The following CC2D1A variants were observed in gnomAD, a reference collection of about 807,000 sequenced individuals.
CC2D1A encodes coiled-coil and C2 domain-containing protein 1A.
CC2D1A carries 68 observed loss-of-function variants against 123.8 expected under a neutral mutation model. The ratio of observed to expected loss-of-function variants is 0.55; its 90% CI spans 0.45 to 0.67. The LOEUF is 0.67. Among genes scored for constraint, CC2D1A ranks in the 30% least tolerant of loss-of-function variants. The pLI is 0.00. For synonymous variants in CC2D1A, 477 were observed against 528.0 expected (o/e 0.90, Z 1.32); for missense variants, 1,185 against 1,290.3 (o/e 0.92, Z 1.25).
intron 4 of CC2D1A, 51 bp downstream of exon 4, chr19:13,912,644 CG>C: frequency 1.3e-6 from 2 of 1,589,056 alleles, no homozygotes. Context: ...ACGGACAGCC[CG>C]GGGTTCAAGA....
chr19:13,907,531 G>A (rs1455867985), intron 1 of CC2D1A, among the ~76,000 whole-genome samples: 1 of 151,982 alleles, frequency 6.6e-6, no homozygotes, highest in East Asian at 1.9e-4. Flanking sequence ...AAATTAGCTG[G>A]GCATGGTGGC....
At position 13,919,002 on chromosome 19, in the gene CC2D1A, G is replaced by T; in HGVS notation, c.1109G>T (p.Gly370Val). 1 of 1,608,820 alleles carries T rather than the reference G, an allele frequency of 6.2e-7. No individual in the cohort carries two copies. Among genetic ancestry groups the T allele is most frequent in the African/African-American group, 1.3e-5 (1 of 74,944 alleles). The change falls in exon 10 of 29, where the codon GGG becomes GTG. Residue 370 changes from glycine (G) to valine (V), a missense_variant. Gly to Val is a moderately radical substitution (Grantham distance 109). Transcript: ENST00000318003. ...QVAAAQAKSK[G>V]DQRKARMHER... ...GCCGCAGCCCAGGCCAAGAGCAAGG[G>T]GGACCAGCGGAAAGCTCGAATGCAC...
At chr19:13,926,030 A>G (rs866592615) in intron 17 of CC2D1A, among the ~76,000 whole-genome samples, 1,841 of 87,416 alleles carry the variant, frequency 0.021, 64 homozygotes, top group African/African-American at 0.09. Flanking sequence ...ATATATGTGT[A>G]TATATATATA....
chr19:13,927,242 T>C lies in CC2D1A; in HGVS notation c.2293T>C (p.Cys765Arg). 6.2e-7 allele frequency: 1 copy of C among 1,614,094 alleles called. No homozygotes were observed. The highest frequency in any genetic ancestry group is 8.5e-7 in the Non-Finnish European group (1 of 1,179,998). ...QLKLDALEIA[C>R]EVREILEVLD... ...GAAGCTGGATGCACTGGAGATAGCA[T>C]GTGAGGTCCGGGAGATCCTTGAGGT... Residue 765 changes from cysteine to arginine, a missense_variant, in exon 22 of 29, where the codon TGT (cysteine) becomes CGT (arginine). Cys to Arg is a radical substitution (Grantham distance 180, BLOSUM62 -3). Transcript: ENST00000318003.
chr19:13,918,649 C>G (rs1022114244), intron 8 of CC2D1A, 73 bp downstream of exon 8: 1 of 1,582,452 alleles, frequency 6.3e-7, no homozygotes, highest in Non-Finnish European at 8.6e-7. Context: ...TGCTGCCACC[C>G]CTGTTGGTCA....
rs369137026 is a variant in CC2D1A, at chr19:13,920,643, G to A, written c.1443G>A (p.Ala481=). Reference sequence around the variant, plus strand: ...CGGGATCAGCCCCAACAGCCAAAGCGCCCCCCAAAGCCACATCCACCAGAG... The same window carrying A: ...CGGGATCAGCCCCAACAGCCAAAGCACCCCCCAAAGCCACATCCACCAGAG... The part of the protein sequence containing the change: ...PQSGSAPTAK[A]PPKATSTRAQ... The change falls in exon 13 of 29, where the codon GCG becomes GCA. Residue 481 remains alanine (A), a synonymous_variant. Transcript: ENST00000318003. 2.3e-5 allele frequency: 37 copies of A among 1,608,690 alleles called. 1 individual carries two copies. Among genetic ancestry groups the A allele is most frequent in the Middle Eastern group, 1.6e-4 (1 of 6,072 alleles).
Position 13,929,415 on chromosome 19 carries a change from GT to G in CC2D1A, c.2559del (p.Phe853LeufsTer90). 6.2e-7 allele frequency: 1 copy of G among 1,613,530 alleles called. No homozygotes were observed. Among genetic ancestry groups the G allele is most frequent in the South Asian group, 1.1e-5 (1 of 91,068 alleles). On this transcript the variant is annotated frameshift_variant, in exon 25 of 29. Transcript: ENST00000318003. LOFTEE classifies it high-confidence loss of function. Reference protein sequence around the residue: ...RPLHSLSVLAFDQERLERKIL... With the variant: ...RPLHSLSVLAXDQERLERKIL... ...CCCTGCATAGCCTCAGTGTGCTGGCGTTTGACCAAGAGCGTCTGGAGCGGAA... is the reference window on the plus strand; with the variant it reads ...CCCTGCATAGCCTCAGTGTGCTGGCGTTGACCAAGAGCGTCTGGAGCGGAA...
chr19:13,930,545 C>G lies in CC2D1A; in HGVS notation c.*150C>G, dbSNP rs1385713044. 1 of 860,814 alleles carries G rather than the reference C, an allele frequency of 1.2e-6. No individual in the cohort carries two copies. The highest frequency in any genetic ancestry group is 1.7e-5 in the African/African-American group (1 of 58,522). 53.3% of individuals were successfully genotyped at this position (860,814 alleles called of 1,614,324 possible). ...ATCCGGGCCCCCAGCCCCGCCAGAG[C>G]CTCCGTGGCTGCGGGTGTTGGGAAC... On this transcript the variant is annotated 3_prime_UTR_variant, in exon 29 of 29. Transcript: ENST00000318003. This position sits in a 1 kb window ranked among gnomAD's most constrained non-coding sequence, Gnocchi z 6.8.
chr19:13,919,636 C>G, intron 11 of CC2D1A, 182 bp from the exon 12 acceptor site: 2 of 480,484 alleles, frequency 4.2e-6, no homozygotes, highest in South Asian at 7.1e-5. Flanking sequence ...CTAGATCATG[C>G]CACTGTACTC....
At chr19:13,909,794 G>A in intron 1 of CC2D1A, 29 bp from the exon 2 acceptor site, 2 of 1,605,596 alleles carry the variant, frequency 1.2e-6, no homozygotes, top group Non-Finnish European at 8.5e-7. Flanking sequence ...TGAACCAAAG[G>A]TCTGACTGAA....
chr19:13,920,399 G>T (rs1482270055), intron 12 of CC2D1A, 158 bp from the exon 13 acceptor site: 8 of 605,980 alleles, frequency 1.3e-5, no homozygotes, highest in Non-Finnish European at 2.3e-5. Context: ...AAAAAAAAAA[G>T]GTGTTTGGGG....
rs1052588655 is a variant in CC2D1A, at chr19:13,906,335, A to G, written c.-107A>G. On this transcript the variant is annotated 5_prime_UTR_variant, in exon 1 of 29. Transcript: ENST00000318003. This position sits in a 1 kb window ranked among gnomAD's most constrained non-coding sequence, Gnocchi z 4.1. Reference sequence around the variant, plus strand: ...GATCGACGGCCGCGGGGCGCCGACGAGGAGTGCAGGACTCAGGAAGGGCGA... The same window carrying G: ...GATCGACGGCCGCGGGGCGCCGACGGGGAGTGCAGGACTCAGGAAGGGCGA... The G allele has an allele frequency of 2.6e-5, 21 of 816,576 alleles. No homozygotes were observed. Among genetic ancestry groups the G allele is most frequent in the Non-Finnish European group, 3.6e-5 (21 of 577,450 alleles). The allele number at this position is 816,576 out of a possible 1,614,324, so 50.6% of individuals were successfully genotyped here.
chr19:13,912,274 G>T, intron 2 of CC2D1A, 49 bp from the exon 3 acceptor site: 2 of 1,526,632 alleles, frequency 1.3e-6, no homozygotes, highest in East Asian at 2.5e-5. Flanking sequence ...GGAAATGGGG[G>T]CTCTTGGTGT....
At position 13,918,973 on chromosome 19, in the gene CC2D1A, G is replaced by C. The variant is rs767721110; in HGVS notation, c.1080G>C (p.Gln360His). 2 of 1,610,010 alleles carry C rather than the reference G, an allele frequency of 1.2e-6. No homozygotes were observed. The highest frequency in any genetic ancestry group is 8.5e-7 in the Non-Finnish European group (1 of 1,178,252). The change falls in exon 10 of 29, where the codon CAG becomes CAC. Residue 360 changes from glutamine to histidine, a missense_variant. By Grantham distance (24) the Gln-to-His change is conservative. Coordinates refer to ENST00000318003, the MANE Select transcript of CC2D1A (RefSeq NM_017721.5). ...EALEQRMERY[Q>H]VAAAQAKSKG... ...TGGAGCAGCGGATGGAGCGGTACCA[G>C]GTGGCCGCAGCCCAGGCCAAGAGCA...
chr19:13,913,713 C>T lies in CC2D1A; in HGVS notation c.748+75C>T. On this transcript the variant is annotated intron_variant, in intron 6 of 28. Coordinates refer to ENST00000318003, the MANE Select transcript of CC2D1A (RefSeq NM_017721.5). ...GGCAGGATGCTGCTCTAGGGGGGTG[C>T]CGGCTGTGCACTGATTGTGAGATAT... 6.9e-6 allele frequency: 8 copies of T among 1,157,682 alleles called. No homozygotes were observed. The South Asian group carries it at 7.7e-5, about 11-fold the overall frequency. 71.7% of individuals were successfully genotyped at this position (1,157,682 alleles called of 1,614,324 possible). A position where few individuals can be genotyped will look rare whatever the true frequency, so the allele number is the denominator to read the frequency against.
At chr19:13,910,731 T>G (rs1465085249) in intron 2 of CC2D1A, among the ~76,000 whole-genome samples, 3 of 152,008 alleles carry the variant, frequency 2.0e-5, no homozygotes, top group Non-Finnish European at 4.4e-5. Flanking sequence ...GCCAACATGG[T>G]GAAACCCTGT....
chr19:13,926,019 T>C lies in CC2D1A; in HGVS notation c.1941-498T>C, dbSNP rs1465665970. 1.0e-3 allele frequency among the ~76,000 whole-genome samples: 107 copies of C among 102,034 alleles called. 1 individual carries two copies. The highest frequency in any genetic ancestry group is 6.8e-3 in the African/African-American group (101 of 14,930). 66.9% of individuals were successfully genotyped at this position (102,034 alleles called of 152,430 possible). ...ATGTGTGTATATATATATATACGTATATATATGTGTATATATATATATATA... is the reference window on the plus strand; with the variant it reads ...ATGTGTGTATATATATATATACGTACATATATGTGTATATATATATATATA... On this transcript the variant is annotated intron_variant, in intron 17 of 28. Transcript: ENST00000318003.
chr19:13,908,929 C>T (rs1970892265), intron 1 of CC2D1A, among the ~76,000 whole-genome samples: 1 of 151,640 alleles, frequency 6.6e-6, no homozygotes. Flanking sequence ...CTCCATCTCT[C>T]TTTCTTTCTT....
Position 13,922,728 on chromosome 19 carries a change from A to C in CC2D1A, c.1642-605A>C, listed in dbSNP as rs1477352527. On this transcript the variant is annotated intron_variant, in intron 14 of 28. Coordinates refer to ENST00000318003, the MANE Select transcript of CC2D1A (RefSeq NM_017721.5). ...AGCCCCAAAGCAGAGCCTAGCGCAC[A>C]GTAGGGGCTCCATACATGATTTCTC... Among the ~76,000 whole-genome samples the C allele has an allele frequency of 2.0e-5, 3 of 152,072 alleles. No individual in the cohort carries two copies. The East Asian group carries it at 5.8e-4, about 30-fold the overall frequency.
Sources: gnomAD v4.1 joint callset for allele counts (sites outside exome capture counted in the v4.1 genomes callset) on GRCh38, gnomAD v4.1.1 for gene constraint, Gnocchi (gnomAD v3.1) non-coding constraint, MANE v1.5 for transcripts, NCBI Gene and HGNC (gene_info 2026-07-23, HGNC 2026-07-21) for gene names.